Variants in UTRN observed in about 807,000 individuals in gnomAD.
The protein encoded by UTRN is dystrophin-related protein 1.
UTRN carries 283 observed loss-of-function variants against 463.9 expected under a neutral mutation model. That is an observed-to-expected ratio of 0.61 (90% confidence interval 0.55 to 0.67). The LOEUF is 0.67. Among genes scored for constraint, UTRN ranks in the 30% least tolerant of loss-of-function variants. The pLI, the probability that UTRN is intolerant of heterozygous loss-of-function variation, is 0.00. For synonymous variants in UTRN, 1,442 were observed against 1,431.5 expected (o/e 1.01, Z -0.17); for missense variants, 3,922 against 4,084.3 (o/e 0.96, Z 1.08).
intron 2 of UTRN, among the ~76,000 whole-genome samples, chr6:144,321,472 T>C (rs1399337130): frequency 8.0e-6 from 1 of 124,998 alleles, no homozygotes; most frequent in Non-Finnish European, 1.5e-5. Flanking sequence ...TTTTTTTTTT[T>C]TTTTTTTTTT....
chr6:144,585,395 A>G (rs1028267979), intron 51 of UTRN, among the ~76,000 whole-genome samples: 3 of 152,150 alleles, frequency 2.0e-5, no homozygotes, highest in African/African-American at 7.2e-5. Flanking sequence ...TGAGAAATGT[A>G]CAATTCCAGT....
intron 25 of UTRN, among the ~76,000 whole-genome samples, chr6:144,475,269 G>A (rs1276737837): frequency 1.3e-5 from 2 of 152,192 alleles, no homozygotes; most frequent in East Asian, 3.9e-4. Flanking sequence ...AGATGGGGAT[G>A]TTTGAATAAA....
At chr6:144,640,203 CCTT>C in intron 51 of UTRN, among the ~76,000 whole-genome samples, 1 of 152,070 alleles carries the variant, frequency 6.6e-6, no homozygotes, top group East Asian at 1.9e-4. Context: ...CCCCCCTCCA[CCTT>C]AATATCAAGA....
At chr6:144,509,212 T>C (rs1478563010) in intron 34 of UTRN, among the ~76,000 whole-genome samples, 1 of 152,192 alleles carries the variant, frequency 6.6e-6, no homozygotes, top group Non-Finnish European at 1.5e-5. Flanking sequence ...TCCTACATAA[T>C]GTTTTGATTT....
intron 53 of UTRN, among the ~76,000 whole-genome samples, chr6:144,706,013 A>G (rs970187021): frequency 2.0e-5 from 3 of 152,030 alleles, no homozygotes; most frequent in African/African-American, 7.2e-5. Context: ...GTAATTATTT[A>G]TCTTACTGAA....
At position 144,738,144 on chromosome 6, in the gene UTRN, C is replaced by T. The variant is rs118031081; in HGVS notation, c.7939+7658C>T. On this transcript the variant is annotated intron_variant, in intron 54 of 74. Transcript: ENST00000367545. ...TTGGCTGGCTTTTGACTCATCCCTT[C>T]GATTTTATCTCCTCTATCTGTGTTC... Among the ~76,000 whole-genome samples, 704 of 152,314 alleles carry T rather than the reference C, an allele frequency of 4.6e-3. 3 individuals carry two copies. The highest frequency in any genetic ancestry group is 7.8e-3 in the Non-Finnish European group (530 of 68,026).
intron 2 of UTRN, among the ~76,000 whole-genome samples, chr6:144,357,882 AC>A (rs1287383222): frequency 2.0e-5 from 3 of 152,362 alleles, no homozygotes; most frequent in Non-Finnish European, 2.9e-5. Context: ...ATCTGGTAGA[AC>A]AGAGATAGTC....
chr6:144,427,337 T>G (rs551467932), intron 7 of UTRN, among the ~76,000 whole-genome samples: 1 of 152,318 alleles, frequency 6.6e-6, no homozygotes, highest in South Asian at 2.1e-4. Flanking sequence ...TTTCTCAAAT[T>G]TCACTTCCTC....
intron 51 of UTRN, among the ~76,000 whole-genome samples, chr6:144,623,723 G>C (rs2128649243): frequency 6.6e-6 from 1 of 152,232 alleles, no homozygotes; most frequent in East Asian, 1.9e-4. Flanking sequence ...TTAGTATTTA[G>C]ATTTCAGTGC....
chr6:144,746,977 A>C (rs1586357078), intron 54 of UTRN, among the ~76,000 whole-genome samples: 1 of 152,218 alleles, frequency 6.6e-6, no homozygotes, highest in Admixed American at 6.5e-5. Flanking sequence ...AAATTTAGAG[A>C]GACAAACATA....
intron 45 of UTRN, 143 bp downstream of exon 45, chr6:144,539,586 C>A: frequency 1.3e-6 from 1 of 798,496 alleles, no homozygotes; most frequent in Non-Finnish European, 1.8e-6. Flanking sequence ...TATTTTTTAT[C>A]TGTCATAGAC....
intron 51 of UTRN, among the ~76,000 whole-genome samples, chr6:144,588,974 G>A (rs1305254201): frequency 2.6e-5 from 4 of 152,140 alleles, no homozygotes; most frequent in Admixed American, 2.6e-4. Flanking sequence ...TCAGAGGGTT[G>A]CTTTTCATTT....
intron 69 of UTRN, among the ~76,000 whole-genome samples, chr6:144,834,426 T>C (rs1231064534): frequency 2.6e-5 from 4 of 152,206 alleles, no homozygotes; most frequent in Non-Finnish European, 5.9e-5. Flanking sequence ...TTGACAAGCA[T>C]AATACCAGAA....
At chr6:144,827,793 T>A in intron 68 of UTRN, 117 bp downstream of exon 68, 1 of 1,230,864 alleles carries the variant, frequency 8.1e-7, no homozygotes, top group Non-Finnish European at 1.1e-6. Context: ...GCAGGAGTTA[T>A]GATTCCATTA....
intron 52 of UTRN, among the ~76,000 whole-genome samples, chr6:144,692,141 T>C (rs2128693045): frequency 6.6e-6 from 1 of 152,314 alleles, no homozygotes; most frequent in African/African-American, 2.4e-5. Flanking sequence ...AGACATGTGG[T>C]ATTTGGTTTT....
chr6:144,328,561 T>G lies in UTRN; in HGVS notation c.79+36654T>G, dbSNP rs1776123917. On this transcript the variant is annotated intron_variant, in intron 2 of 74. Transcript: ENST00000367545. ...CTTTATTTGTTTTAAAAATAGTATC[T>G]TAATTTATTAATTTTGTTTATTTTG... 2.9e-5 allele frequency among the ~76,000 whole-genome samples: 4 copies of G among 139,730 alleles called. No homozygotes were observed. In the South Asian group the frequency reaches 1.0e-3, roughly 35 times the overall value. The allele number at this position is 139,730 out of a possible 152,430, so 91.7% of individuals were successfully genotyped here. A position where few individuals can be genotyped will look rare whatever the true frequency, so the allele number is the denominator to read the frequency against.
intron 27 of UTRN, among the ~76,000 whole-genome samples, chr6:144,484,114 A>G (rs1792173633): frequency 6.6e-6 from 1 of 152,204 alleles, no homozygotes. Flanking sequence ...TCTTATAATA[A>G]GGGATTATAA....
In UTRN at chr6:144,511,075, G is replaced by T. The variant is rs368199759; in HGVS notation, c.4896G>T (p.Gly1632=). ...AGAGGCTCTGCGTCCTTAACGCTGG[G>T]TGGAGCCGAGTTCGTACCTGGACTG... ...LEERLCVLNA[G]WSRVRTWTED... is the part of the protein sequence containing the mutation. Residue 1632 remains glycine (G), a synonymous_variant, in exon 35 of 75, where the codon GGG becomes GGT. Coordinates refer to ENST00000367545, the MANE Select transcript of UTRN (RefSeq NM_007124.3). 8.1e-6 allele frequency: 13 copies of T among 1,610,442 alleles called. No homozygotes were observed. The African/African-American group carries it at 1.3e-4, about 17-fold the overall frequency.
chr6:144,358,342 A>G (rs1402191192), intron 2 of UTRN, among the ~76,000 whole-genome samples: 1 of 152,256 alleles, frequency 6.6e-6, no homozygotes, highest in Non-Finnish European at 1.5e-5. Flanking sequence ...ACATACACAC[A>G]CACTTTGTAT....
Sources: gnomAD v4.1 joint callset for allele counts (sites outside exome capture counted in the v4.1 genomes callset) on GRCh38, gnomAD v4.1.1 for gene constraint, MANE v1.5 for transcripts, NCBI Gene and HGNC (gene_info 2026-07-23, HGNC 2026-07-21) for gene names.